CCDC192: variants seen among roughly 807,000 people sequenced by gnomAD.
CCDC192 encodes coiled-coil domain containing 192.
At chr5:127,805,089 C>T (rs1757711317) in intron 5 of CCDC192, among the ~76,000 whole-genome samples, 1 of 152,172 alleles carries the variant, frequency 6.6e-6, no homozygotes. Context: ...CCTCCCTCTC[C>T]CAGTCCCACA....
chr5:127,725,538 T>C (rs1247462444), intron 2 of CCDC192, among the ~76,000 whole-genome samples: 1 of 152,214 alleles, frequency 6.6e-6, no homozygotes, highest in African/African-American at 2.4e-5. Flanking sequence ...TAATAAGATA[T>C]CTGATATTCC....
At chr5:127,856,070 T>A (rs1388922457) in intron 5 of CCDC192, among the ~76,000 whole-genome samples, 2 of 152,202 alleles carry the variant, frequency 1.3e-5, no homozygotes, top group East Asian at 3.8e-4. Context: ...GATTTCTCCT[T>A]TCTAGGTATG....
chr5:127,773,838 A>G (rs1755700089), intron 3 of CCDC192, among the ~76,000 whole-genome samples: 1 of 152,170 alleles, frequency 6.6e-6, no homozygotes, highest in South Asian at 2.1e-4. Flanking sequence ...TCGGTCACCA[A>G]TTATTTTCCA....
intron 6 of CCDC192, among the ~76,000 whole-genome samples, chr5:127,891,492 G>A (rs151853): frequency 0.72 from 109,896 of 151,990 alleles, 40,270 homozygotes; most frequent in African/African-American, 0.86. Context: ...TAGAGTGGAA[G>A]AAGGGTCCCT....
At chr5:127,829,966 A>C (rs1749709268) in intron 5 of CCDC192, among the ~76,000 whole-genome samples, 1 of 152,202 alleles carries the variant, frequency 6.6e-6, no homozygotes, top group African/African-American at 2.4e-5. Flanking sequence ...AAAAATTTGC[A>C]TTGTGAAATG....
chr5:127,785,983 C>G (rs950333699), intron 3 of CCDC192: 1 of 558,248 alleles, frequency 1.8e-6, no homozygotes, highest in African/African-American at 1.9e-5. Flanking sequence ...AGCAGCTTCT[C>G]CACATTTTTC....
intron 5 of CCDC192, among the ~76,000 whole-genome samples, chr5:127,844,286 AT>A (rs1561519286): frequency 6.6e-6 from 1 of 152,232 alleles, no homozygotes; most frequent in Non-Finnish European, 1.5e-5. Context: ...TAATCATTTC[AT>A]CCCTGTTTGC....
In CCDC192 at chr5:127,890,216, T is replaced by A. The variant is rs1048461833; in HGVS notation, c.535+14555T>A. ...AGTGAGACCCCATTTCTACAAAAAT[T>A]TTTTTAAAAAAATAGCTGGGTGTAG... On this transcript the variant is annotated intron_variant, in intron 6 of 6. Transcript: ENST00000514853. Among the ~76,000 whole-genome samples, 4 of 152,168 alleles carry A rather than the reference T, an allele frequency of 2.6e-5. No homozygotes were observed. In the East Asian group the frequency reaches 7.7e-4, roughly 29 times the overall value.
At chr5:127,820,424 A>G (rs949369880) in intron 5 of CCDC192, among the ~76,000 whole-genome samples, 6 of 152,166 alleles carry the variant, frequency 3.9e-5, no homozygotes, top group Admixed American at 6.5e-5. Flanking sequence ...TCTACTAAAA[A>G]TACAAAATGA....
At chr5:127,747,685 G>C (rs1420276188) in intron 2 of CCDC192, among the ~76,000 whole-genome samples, 1 of 151,964 alleles carries the variant, frequency 6.6e-6, no homozygotes, top group Non-Finnish European at 1.5e-5. Context: ...TCACCACACT[G>C]ACTTCCACAA....
At chr5:127,745,332 A>C (rs905747170) in intron 2 of CCDC192, among the ~76,000 whole-genome samples, 1 of 152,232 alleles carries the variant, frequency 6.6e-6, no homozygotes, top group Non-Finnish European at 1.5e-5. Flanking sequence ...GAAATATAAA[A>C]TTAGAAAATA....
chr5:127,904,175 GA>G lies in CCDC192; in HGVS notation c.535+28517del, dbSNP rs1428762932. The stretch of plus-strand genomic sequence containing the variant: ...ATAGAGAAAGGGAGCCACGAACCAA[GA>G]AATATGGACAGCCTCTGGAAAATGG... On this transcript the variant is annotated intron_variant, in intron 6 of 6. Coordinates refer to ENST00000514853, the MANE Select transcript of CCDC192 (RefSeq NM_001317938.2). Among the ~76,000 whole-genome samples, 18 of 152,308 alleles carry G rather than the reference GA, an allele frequency of 1.2e-4. 1 individual carries two copies. In the South Asian group the frequency reaches 3.3e-3, roughly 28 times the overall value.
intron 3 of CCDC192, among the ~76,000 whole-genome samples, chr5:127,795,977 C>T (rs1049505439): frequency 2.0e-5 from 3 of 152,082 alleles, no homozygotes; most frequent in Admixed American, 6.6e-5. Flanking sequence ...GCCAGCAGTT[C>T]GTAACATGTG....
intron 6 of CCDC192, among the ~76,000 whole-genome samples, chr5:127,927,518 G>A (rs1194153315): frequency 1.3e-5 from 2 of 152,048 alleles, no homozygotes; most frequent in Non-Finnish European, 2.9e-5. Context: ...GACTGCGAAG[G>A]CAAGAAGAGT....
intron 5 of CCDC192, among the ~76,000 whole-genome samples, chr5:127,800,492 G>A (rs1000882030): frequency 4.8e-5 from 7 of 147,266 alleles, no homozygotes; most frequent in African/African-American, 1.5e-4. Context: ...CAATCTCCAA[G>A]AACAGGCTGT....
intron 3 of CCDC192, among the ~76,000 whole-genome samples, chr5:127,774,788 A>G (rs938766135): frequency 6.6e-6 from 1 of 152,214 alleles, no homozygotes; most frequent in Non-Finnish European, 1.5e-5. Context: ...TTCTGAAAAA[A>G]AGAAGCCATC....
At chr5:127,756,621 A>G (rs1365179871) in intron 3 of CCDC192, among the ~76,000 whole-genome samples, 2 of 152,224 alleles carry the variant, frequency 1.3e-5, no homozygotes, top group African/African-American at 4.8e-5. Flanking sequence ...CCCAGGAGCA[A>G]TTTGGGGAGG....
At chr5:127,864,991 CA>C (rs1410082309) in intron 5 of CCDC192, among the ~76,000 whole-genome samples, 1 of 151,754 alleles carries the variant, frequency 6.6e-6, no homozygotes, top group Non-Finnish European at 1.5e-5. Flanking sequence ...ATTAAAAATA[CA>C]AAAAATTGGC....
chr5:127,786,234 T>C, intron 3 of CCDC192: 1 of 724,328 alleles, frequency 1.4e-6, no homozygotes, highest in Non-Finnish European at 2.5e-6. Context: ...GAACTCTTCA[T>C]TGTTCCTGAA....
Sources: allele counts gnomAD v4.1 joint callset (sites outside exome capture counted in the v4.1 genomes callset), GRCh38; gene constraint gnomAD v4.1.1; transcripts MANE v1.5; gene names NCBI Gene and HGNC (gene_info 2026-07-23, HGNC 2026-07-21).